Variants in MAPK15 observed in about 807,000 individuals in gnomAD.
MAPK15 encodes ERK-7.
MAPK15 carries 61 observed loss-of-function variants against 60.8 expected under a neutral mutation model. The ratio of observed to expected loss-of-function variants is 1.00; its 90% confidence interval spans 0.82 to 1.24. The LOEUF (loss-of-function observed/expected upper bound fraction) is 1.24. Ranked by LOEUF, MAPK15 falls within the 50% of genes most tolerant of loss-of-function variation. The pLI, the probability that MAPK15 is intolerant of heterozygous loss-of-function variation, is 0.00. For missense variants in MAPK15, 808 were observed against 741.1 expected (o/e 1.09, Z -1.05); for synonymous variants, 356 against 319.9 (o/e 1.11, Z -1.21).
rs1033852459 is a variant in MAPK15 at position 143,722,199 on chromosome 8, T to C, written c.1583T>C (p.Val528Ala). 12 of 1,607,996 alleles carry C rather than the reference T, an allele frequency of 7.5e-6. No homozygotes were observed. The highest frequency in any genetic ancestry group is 6.7e-5 in the African/African-American group (5 of 74,826). ...LGGYSQAYGT[V>A]CHSALGHLPL... ...GGCTACTCCCAAGCCTACGGGACTG[T>C]CTGCCACTCGGCACTGGGCCACCTG... Residue 528 changes from valine to alanine, a missense_variant, in exon 14 of 14, where the codon GTC becomes GCC. Val to Ala is a moderately conservative substitution (Grantham distance 64). Transcript: ENST00000338033.
At position 143,721,368 on chromosome 8, in the gene MAPK15, ACCCAGGCCCCAGAGCAG is replaced by A. The variant is rs1554619799; in HGVS notation, c.1170_1186del (p.Gln391Ter). On this transcript the variant is annotated frameshift_variant, in exon 11 of 14. Coordinates refer to ENST00000338033, the MANE Select transcript of MAPK15 (RefSeq NM_139021.3). LOFTEE classifies it high-confidence loss of function. ...CTAGGACACCTGTGCAGGGTCCCAG[ACCCAGGCCCCAGAGCAG>A]CCCAGGCCATGACCCTGCCGAGCAC... 6.2e-7 allele frequency: 1 copy of A among 1,613,058 alleles called. No homozygotes were observed. Among genetic ancestry groups the A allele is most frequent in the South Asian group, 1.1e-5 (1 of 91,032 alleles).
At position 143,718,265 on chromosome 8, in the gene MAPK15, G is replaced by A; in HGVS notation, c.249G>A (p.Glu83=). 1 of 1,614,160 alleles carries A rather than the reference G, an allele frequency of 6.2e-7. No individual in the cohort carries two copies. The highest frequency in any genetic ancestry group is 8.5e-7 in the Non-Finnish European group (1 of 1,180,028). Residue 83 remains glutamate, a synonymous_variant, in exon 4 of 14, where the codon GAG becomes GAA. Transcript: ENST00000338033. ...GCCTCCTTGACGTGATCCGGGCAGA[G>A]AACGACAGGGACATTTACCTGGTGT... ...IISLLDVIRA[E]NDRDIYLVFE...
At chr8:143,719,298 C>T in intron 6 of MAPK15, 45 bp from the exon 7 acceptor site, 1 of 1,558,830 alleles carries the variant, frequency 6.4e-7, no homozygotes, top group Non-Finnish European at 8.7e-7. Context: ...CCACCCCCAC[C>T]TCTGCCTCTG....
intron 2 of MAPK15, 81 bp downstream of exon 2, chr8:143,717,873 G>A: frequency 2.6e-6 from 4 of 1,509,470 alleles, no homozygotes; most frequent in Non-Finnish European, 3.7e-6. Flanking sequence ...AAGCTCAGGT[G>A]GGAGCTGGAG....
chr8:143,722,213 C>G lies in MAPK15; in HGVS notation c.1597C>G (p.Leu533Val). Residue 533 changes from leucine (L) to valine (V), a missense_variant, in exon 14 of 14, where the codon CTG (leucine) becomes GTG (valine). Physicochemically the swap from Leu to Val is conservative, Grantham distance 32. Coordinates refer to ENST00000338033, the MANE Select transcript of MAPK15 (RefSeq NM_139021.3). Reference sequence around the variant, plus strand: ...CTACGGGACTGTCTGCCACTCGGCACTGGGCCACCTGCCCCTGCTGGAGGG... The same window carrying G: ...CTACGGGACTGTCTGCCACTCGGCAGTGGGCCACCTGCCCCTGCTGGAGGG... ...QAYGTVCHSA[L>V]GHLPLLEGHH... is the part of the protein sequence containing the mutation. The G allele has an allele frequency of 6.2e-7, 1 of 1,601,320 alleles. No individual in the cohort carries two copies. The highest frequency in any genetic ancestry group is 8.5e-7 in the Non-Finnish European group (1 of 1,173,546).
At position 143,716,455 on chromosome 8, in the gene MAPK15, G is replaced by C. The variant is rs782224584; in HGVS notation, c.66+12G>C. ...AGCTCGGGCAGGGGGTGAGTGCCTG[G>C]GGGTGCGTCCGCGCGCCGAGGGGCG... On this transcript the variant is annotated intron_variant, in intron 1 of 13. Coordinates refer to ENST00000338033, the MANE Select transcript of MAPK15 (RefSeq NM_139021.3). 3 of 1,592,886 alleles carry C rather than the reference G, an allele frequency of 1.9e-6. No homozygotes were observed. Among genetic ancestry groups the C allele is most frequent in the Non-Finnish European group, 2.6e-6 (3 of 1,172,362 alleles).
chr8:143,716,553 C>A, intron 1 of MAPK15, 110 bp downstream of exon 1: 7 of 935,200 alleles, frequency 7.5e-6, no homozygotes, highest in Non-Finnish European at 1.1e-5. Context: ...CACACACTGG[C>A]GTCCTGCCTC....
At position 143,722,355 on chromosome 8, in the gene MAPK15, C is replaced by A; in HGVS notation, c.*104C>A. The A allele has an allele frequency of 9.0e-7, 1 of 1,114,768 alleles. No individual in the cohort carries two copies. Among genetic ancestry groups the A allele is most frequent in the Non-Finnish European group, 1.2e-6 (1 of 812,054 alleles). The allele number at this position is 1,114,768 out of a possible 1,614,324, so 69.1% of individuals were successfully genotyped here. A position where few individuals can be genotyped will look rare whatever the true frequency, so the allele number is the denominator to read the frequency against. On this transcript the variant is annotated 3_prime_UTR_variant, in exon 14 of 14. Transcript: ENST00000338033. The stretch of plus-strand genomic sequence containing the variant: ...CTTAGCCCTCCCTGCTTTGCCTGGC[C>A]CGTTGAAGTTCCAGGGAGCTTGCCC...
Position 143,719,285 on chromosome 8 carries a change from A to C in MAPK15, c.582-58A>C. 2.6e-6 allele frequency: 4 copies of C among 1,527,910 alleles called. No individual in the cohort carries two copies. The South Asian group carries it at 3.8e-5, about 15-fold the overall frequency. 94.6% of individuals were successfully genotyped at this position (1,527,910 alleles called of 1,614,324 possible). ...GTGTTCCCCCATTCACCCCCCAGCA[A>C]CCCCACCCCCACCTCTGCCTCTGGG... is the stretch of plus-strand genomic sequence containing the variant. On this transcript the variant is annotated intron_variant, in intron 6 of 13. Transcript: ENST00000338033.
Position 143,718,882 on chromosome 8 carries a change from C to T in MAPK15, c.394C>T (p.His132Tyr). 2 of 1,608,988 alleles carry T rather than the reference C, an allele frequency of 1.2e-6. No homozygotes were observed. Among genetic ancestry groups the T allele is most frequent in the East Asian group, 2.2e-5 (1 of 44,826 alleles). ...LRATRFLHSG[H>Y]VVHRDQKPSN... ...GGCCACCCGGTTCCTCCACTCGGGGCACGTTGTGCACCGGGACCAGAAGGT... is the reference window on the plus strand; with the variant it reads ...GGCCACCCGGTTCCTCCACTCGGGGTACGTTGTGCACCGGGACCAGAAGGT... Residue 132 changes from histidine (H) to tyrosine (Y), a missense_variant, in exon 5 of 14, where the codon CAC (histidine) becomes TAC (tyrosine). Coordinates refer to ENST00000338033, the MANE Select transcript of MAPK15 (RefSeq NM_139021.3).
At position 143,719,359 on chromosome 8, in the gene MAPK15, G is replaced by T. The variant is rs1199581734; in HGVS notation, c.598G>T (p.Asp200Tyr). Reference protein sequence around the residue: ...LSSHRYTLGVDMWSLGCILGE... With the variant: ...LSSHRYTLGVYMWSLGCILGE... ...CTGCCCCAGATACACCCTTGGGGTG[G>T]ACATGTGGAGTCTGGGCTGTATCCT... is the stretch of plus-strand genomic sequence containing the variant. Residue 200 changes from aspartate (D) to tyrosine (Y), a missense_variant, in exon 7 of 14, where the codon GAC becomes TAC. Physicochemically the swap from Asp to Tyr is radical, Grantham distance 160 (BLOSUM62 -3). Coordinates refer to ENST00000338033, the MANE Select transcript of MAPK15 (RefSeq NM_139021.3). 1.2e-5 allele frequency: 20 copies of T among 1,608,512 alleles called. No individual in the cohort carries two copies. Among genetic ancestry groups the T allele is most frequent in the Middle Eastern group, 1.7e-4 (1 of 6,028 alleles).
intron 2 of MAPK15, 105 bp downstream of exon 2, chr8:143,717,897 G>A (rs1408932915): frequency 1.3e-6 from 2 of 1,495,778 alleles, no homozygotes; most frequent in African/African-American, 1.4e-5. Flanking sequence ...AGTCATAGCA[G>A]ATGTTCTGGC....
chr8:143,716,712 C>T (rs1418528197), intron 1 of MAPK15, among the ~76,000 whole-genome samples: 1 of 151,528 alleles, frequency 6.6e-6, no homozygotes, highest in Non-Finnish European at 1.5e-5. Context: ...CCTGGCGCCC[C>T]ACTCCCCACG....
rs782276152 is a variant in MAPK15 at position 143,719,488 on chromosome 8, C to G, written c.721+6C>G. Reference sequence around the variant, plus strand: ...CCCACCGCCATCTGAGGAGGGTGAGCCAGGCTGCTGGGGCTGGGCACCGGG... The same window carrying G: ...CCCACCGCCATCTGAGGAGGGTGAGGCAGGCTGCTGGGGCTGGGCACCGGG... On this transcript the variant is annotated splice_donor_region_variant and intron_variant, in intron 7 of 13. Transcript: ENST00000338033. The G allele has an allele frequency of 6.2e-7, 1 of 1,604,762 alleles. No homozygotes were observed. Among genetic ancestry groups the G allele is most frequent in the Non-Finnish European group, 8.5e-7 (1 of 1,177,366 alleles).
At chr8:143,719,563 C>A (rs986548468) in intron 7 of MAPK15, 81 bp downstream of exon 7, 8 of 1,521,690 alleles carry the variant, frequency 5.3e-6, no homozygotes, top group Admixed American at 2.1e-5. Flanking sequence ...AGCTGACAGG[C>A]TAGGACTGTG....
In MAPK15 at chr8:143,717,806, G is replaced by C. The variant is rs781980944; in HGVS notation, c.165+14G>C. The stretch of plus-strand genomic sequence containing the variant: ...ACAGATGCCCAGGTGAGTGTGTGGG[G>C]AGAAGCGTGGGAGAGGATGGGGGCA... On this transcript the variant is annotated intron_variant, in intron 2 of 13. Transcript: ENST00000338033. 1.9e-6 allele frequency: 3 copies of C among 1,604,996 alleles called. No individual in the cohort carries two copies. The Admixed American group carries it at 5.1e-5, about 27-fold the overall frequency.
chr8:143,718,938 GCCCGGCT>G, intron 5 of MAPK15, 33 bp downstream of exon 5: 1 of 1,597,558 alleles, frequency 6.3e-7, no homozygotes. Context: ...ATGCCACGTG[GCCCGGCT>G]CCCGGCCCCA....
In MAPK15 at chr8:143,719,129, C is replaced by T. The variant is rs1314484085; in HGVS notation, c.554C>T (p.Ala185Val). The change falls in exon 6 of 14, where the codon GCA (alanine) becomes GTA (valine). Residue 185 changes from alanine (A) to valine (V), a missense_variant. By Grantham distance (64) the Ala-to-Val change is moderately conservative. Coordinates refer to ENST00000338033, the MANE Select transcript of MAPK15 (RefSeq NM_139021.3). ...TEYVATRWYR[A>V]PEVLLSSHRY... Reference sequence around the variant, plus strand: ...TACGTGGCCACACGCTGGTACCGAGCACCGGAGGTGCTGCTCTCTTCGCAC... The same window carrying T: ...TACGTGGCCACACGCTGGTACCGAGTACCGGAGGTGCTGCTCTCTTCGCAC... The T allele has an allele frequency of 3.2e-6, 5 of 1,555,324 alleles. No homozygotes were observed. Among genetic ancestry groups the T allele is most frequent in the Non-Finnish European group, 4.3e-6 (5 of 1,150,210 alleles).
intron 1 of MAPK15, 99 bp from the exon 2 acceptor site, chr8:143,717,593 ACC>A: frequency 9.8e-7 from 1 of 1,018,800 alleles, no homozygotes; most frequent in Non-Finnish European, 1.5e-6. Flanking sequence ...CCCTCTCGGG[ACC>A]CAGGATGGGA....
Sources: gnomAD v4.1 joint callset for allele counts (sites outside exome capture counted in the v4.1 genomes callset) on GRCh38, gnomAD v4.1.1 for gene constraint, MANE v1.5 for transcripts, NCBI Gene and HGNC (gene_info 2026-07-23, HGNC 2026-07-21) for gene names.